The following USP29 variants were observed in gnomAD, a reference collection of about 807,000 sequenced individuals.
The protein encoded by USP29 is ubiquitin carboxyl-terminal hydrolase 29.
For missense variants in USP29, 1,102 were observed against 1,069.0 expected (o/e 1.03, Z -0.43); for synonymous variants, 386 against 387.4 (o/e 1.00, Z 0.04).
Position 57,130,482 on chromosome 19 carries a change from C to A in USP29, c.1807C>A (p.Leu603Ile). 1 of 1,614,134 alleles carries A rather than the reference C, an allele frequency of 6.2e-7. No homozygotes were observed. The highest frequency in any genetic ancestry group is 8.5e-7 in the Non-Finnish European group (1 of 1,180,034). Residue 603 changes from leucine to isoleucine, a missense_variant, in exon 4 of 4, where the codon CTA becomes ATA. Coordinates refer to ENST00000254181, the MANE Select transcript of USP29 (RefSeq NM_020903.3). The part of the protein sequence containing the change: ...LPVEPDKNAD[L>I]QRFQRDCGDA... ...CGTTGAACCAGACAAGAATGCCGAC[C>A]TACAAAGATTCCAGAGAGACTGTGG...
At position 57,129,657 on chromosome 19, in the gene USP29, C is replaced by T. The variant is rs755118228; in HGVS notation, c.982C>T (p.Leu328Phe). The T allele has an allele frequency of 5.0e-5, 80 of 1,614,068 alleles. 2 individuals carry two copies. The South Asian group carries it at 7.2e-4, about 15-fold the overall frequency. ...ATGGGAATATATTCCCTTTGAGGCT[C>T]TTATTATGACCTTGACCCAGCTGCT... ...VPWEYIPFEALIMTLTQLLAL... is the reference protein window; with the variant it reads ...VPWEYIPFEAFIMTLTQLLAL... The change falls in exon 4 of 4, where the codon CTT becomes TTT. Residue 328 changes from leucine to phenylalanine, a missense_variant. Leu to Phe is a conservative substitution (Grantham distance 22). Coordinates refer to ENST00000254181, the MANE Select transcript of USP29 (RefSeq NM_020903.3).
intron 3 of USP29, among the ~76,000 whole-genome samples, chr19:57,127,550 G>A (rs1004572848): frequency 6.6e-6 from 1 of 152,130 alleles, no homozygotes; most frequent in Non-Finnish European, 1.5e-5. Context: ...ACTTTGCCCA[G>A]TCCAAACCTC....
chr19:57,124,641 T>C (rs1244721623), intron 3 of USP29, among the ~76,000 whole-genome samples: 1 of 152,076 alleles, frequency 6.6e-6, no homozygotes, highest in African/African-American at 2.4e-5. Context: ...CCCCAGTATC[T>C]GGCACTATAG....
Position 57,131,538 on chromosome 19 carries a change from A to G in USP29, c.*94A>G. On this transcript the variant is annotated 3_prime_UTR_variant, in exon 4 of 4. Coordinates refer to ENST00000254181, the MANE Select transcript of USP29 (RefSeq NM_020903.3). ...TGTACTTCACTCAGAATGAAGGAAC[A>G]AGTATCTCAGGATGAAATCTCAATG... 2 of 1,486,494 alleles carry G rather than the reference A, an allele frequency of 1.3e-6. No homozygotes were observed. The highest frequency in any genetic ancestry group is 1.8e-6 in the Non-Finnish European group (2 of 1,116,642). The allele number at this position is 1,486,494 out of a possible 1,614,324, so 92.1% of individuals were successfully genotyped here. A position where few individuals can be genotyped will look rare whatever the true frequency, so the allele number is the denominator to read the frequency against.
Position 57,130,391 on chromosome 19 carries a change from G to A in USP29, c.1716G>A (p.Glu572=), listed in dbSNP as rs527678550. 1 of 1,614,082 alleles carries A rather than the reference G, an allele frequency of 6.2e-7. No individual in the cohort carries two copies. Among genetic ancestry groups the A allele is most frequent in the Admixed American group, 1.7e-5 (1 of 60,004 alleles). The change falls in exon 4 of 4, where the codon GAG becomes GAA. Residue 572 remains glutamate (E), a synonymous_variant. Transcript: ENST00000254181. The part of the protein sequence containing the change: ...VLEVSQEMIS[E]INSPLTPSMK... Reference sequence around the variant, plus strand: ...AAGTCTCTCAGGAGATGATTTCTGAGATCAACAGCCCATTGACACCATCAA... The same window carrying A: ...AAGTCTCTCAGGAGATGATTTCTGAAATCAACAGCCCATTGACACCATCAA...
At chr19:57,126,404 T>C (rs990640387) in intron 3 of USP29, among the ~76,000 whole-genome samples, 1 of 152,128 alleles carries the variant, frequency 6.6e-6, no homozygotes, top group Non-Finnish European at 1.5e-5. Context: ...CAATCAATCG[T>C]AGGTTTGGTC....
chr19:57,124,812 ACTT>A (rs981153589), intron 3 of USP29, among the ~76,000 whole-genome samples: 3 of 151,994 alleles, frequency 2.0e-5, no homozygotes, highest in Non-Finnish European at 2.9e-5. Flanking sequence ...CCCAGACAGA[ACTT>A]CTTTATTTTT....
In USP29 at chr19:57,130,485, C is replaced by A. The variant is rs555637136; in HGVS notation, c.1810C>A (p.Gln604Lys). Residue 604 changes from glutamine to lysine, a missense_variant, in exon 4 of 4, where the codon CAA (glutamine) becomes AAA (lysine). Physicochemically the swap from Gln to Lys is moderately conservative, Grantham distance 53 (BLOSUM62 1). Transcript: ENST00000254181. ...PVEPDKNADL[Q>K]RFQRDCGDAS... ...TGAACCAGACAAGAATGCCGACCTA[C>A]AAAGATTCCAGAGAGACTGTGGAGA... The A allele has an allele frequency of 3.1e-6, 5 of 1,614,148 alleles. No homozygotes were observed. The Admixed American group carries it at 8.3e-5, about 27-fold the overall frequency.
rs2086816860 is a variant in USP29 at position 57,125,049 on chromosome 19, T to C, written c.-17+910T>C. On this transcript the variant is annotated intron_variant, in intron 3 of 3. Transcript: ENST00000254181. ...GCTGTTTTAGCCCAATGACTTATCC[T>C]AAGAAGTCGTTATTATTGTTGCAGT... is the stretch of plus-strand genomic sequence containing the variant. Among the ~76,000 whole-genome samples the C allele has an allele frequency of 3.9e-5, 6 of 152,232 alleles. No individual in the cohort carries two copies. In the South Asian group the frequency reaches 1.2e-3, roughly 31 times the overall value.
intron 1 of USP29, among the ~76,000 whole-genome samples, chr19:57,121,429 T>TTGTTATATACTTATA (rs1568453905): frequency 4.6e-5 from 6 of 130,572 alleles, no homozygotes; most frequent in Admixed American, 8.5e-5. Context: ...TTATATATAC[T>TTGTTATATACTTATA]TATGTTATAT....
chr19:57,128,892 C>G lies in USP29; in HGVS notation c.217C>G (p.Arg73Gly). ...RHCKKRQSHL[R>G]LTLKNNVFLF... ...TTGTAAAAAAAGACAAAGTCACCTG[C>G]GTTTAACTTTGAAAAACAACGTGTT... The change falls in exon 4 of 4, where the codon CGT (arginine) becomes GGT (glycine). Residue 73 changes from arginine (R) to glycine (G), a missense_variant. Arg to Gly is a moderately radical substitution (Grantham distance 125). Coordinates refer to ENST00000254181, the MANE Select transcript of USP29 (RefSeq NM_020903.3). 6.2e-7 allele frequency: 1 copy of G among 1,613,584 alleles called. No homozygotes were observed. Among genetic ancestry groups the G allele is most frequent in the South Asian group, 1.1e-5 (1 of 90,898 alleles).
At position 57,131,089 on chromosome 19, in the gene USP29, G is replaced by T. The variant is rs140065138; in HGVS notation, c.2414G>T (p.Gly805Val). Reference sequence around the variant, plus strand: ...ATTTTAGATGCAGAGAACACAAGAGGTGAAGCCAAGGAACTAACAAGAAAC... The same window carrying T: ...ATTTTAGATGCAGAGAACACAAGAGTTGAAGCCAAGGAACTAACAAGAAAC... Reference protein sequence around the residue: ...KNILDAENTRGEAKELTRNVK... With the variant: ...KNILDAENTRVEAKELTRNVK... The change falls in exon 4 of 4, where the codon GGT (glycine) becomes GTT (valine). Residue 805 changes from glycine to valine, a missense_variant. Gly to Val is a moderately radical substitution (Grantham distance 109, BLOSUM62 -3). Coordinates refer to ENST00000254181, the MANE Select transcript of USP29 (RefSeq NM_020903.3). 1 of 1,614,152 alleles carries T rather than the reference G, an allele frequency of 6.2e-7. No individual in the cohort carries two copies. Among genetic ancestry groups the T allele is most frequent in the South Asian group, 1.1e-5 (1 of 91,078 alleles).
Position 57,129,456 on chromosome 19 carries a change from G to C in USP29, c.781G>C (p.Glu261Gln). Reference protein sequence around the residue: ...KNGLTSPLEPEHSQGDPRCNK... With the variant: ...KNGLTSPLEPQHSQGDPRCNK... ...TGGTTTGACATCTCCATTGGAACCA[G>C]AGCACAGCCAGGGTGACCCAAGATG... is the stretch of plus-strand genomic sequence containing the variant. Residue 261 changes from glutamate (E) to glutamine (Q), a missense_variant, in exon 4 of 4, where the codon GAG becomes CAG. Transcript: ENST00000254181. The C allele has an allele frequency of 1.2e-6, 2 of 1,614,206 alleles. No homozygotes were observed. The highest frequency in any genetic ancestry group is 1.7e-6 in the Non-Finnish European group (2 of 1,180,034).
chr19:57,122,237 A>T (rs2086801406), intron 1 of USP29, 88 bp from the exon 2 acceptor site: 1 of 152,140 alleles, frequency 6.6e-6, no homozygotes, highest in South Asian at 2.1e-4. Flanking sequence ...TTCCTGGAAA[A>T]ACCCGTGATA....
chr19:57,128,249 T>A (rs1312925577), intron 3 of USP29, among the ~76,000 whole-genome samples: 4 of 152,148 alleles, frequency 2.6e-5, no homozygotes, highest in African/African-American at 4.8e-5. Context: ...TTTTAAAAAA[T>A]TTTATGTAGC....
At position 57,129,677 on chromosome 19, in the gene USP29, G is replaced by C. The variant is rs1341346571; in HGVS notation, c.1002G>C (p.Gln334His). ...AGGCTCTTATTATGACCTTGACCCA[G>C]CTGCTTGCTTTGAAAGATTTCTGTA... ...PFEALIMTLT[Q>H]LLALKDFCST... The change falls in exon 4 of 4, where the codon CAG becomes CAC. Residue 334 changes from glutamine to histidine, a missense_variant. Coordinates refer to ENST00000254181, the MANE Select transcript of USP29 (RefSeq NM_020903.3). 1.2e-6 allele frequency: 2 copies of C among 1,613,966 alleles called. No homozygotes were observed. Among genetic ancestry groups the C allele is most frequent in the African/African-American group, 2.7e-5 (2 of 74,912 alleles).
At chr19:57,121,697 A>G (rs925849368) in intron 1 of USP29, among the ~76,000 whole-genome samples, 19 of 147,496 alleles carry the variant, frequency 1.3e-4, no homozygotes, top group African/African-American at 4.7e-4. Flanking sequence ...GTACTTACAT[A>G]TGTTATATAT....
Position 57,122,449 on chromosome 19 carries a change from A to T in USP29, c.-143A>T, listed in dbSNP as rs1002884426. On this transcript the variant is annotated 5_prime_UTR_variant, in exon 2 of 4. Transcript: ENST00000254181. The stretch of plus-strand genomic sequence containing the variant: ...ATTTCTGAAAAAAGAATTATCATCC[A>T]CTCACCCAGAACAGCTCTCCAAACT... The T allele has an allele frequency of 6.6e-6, 1 of 150,554 alleles. No homozygotes were observed. The highest frequency in any genetic ancestry group is 1.5e-5 in the Non-Finnish European group (1 of 67,856). The allele number at this position is 150,554 out of a possible 1,614,324, so 9.3% of individuals were successfully genotyped here.
Position 57,131,247 on chromosome 19 carries a change from G to A in USP29, c.2572G>A (p.Asp858Asn), listed in dbSNP as rs756825168. The A allele has an allele frequency of 3.7e-6, 6 of 1,614,042 alleles. No homozygotes were observed. Among genetic ancestry groups the A allele is most frequent in the African/African-American group, 2.7e-5 (2 of 74,904 alleles). The change falls in exon 4 of 4, where the codon GAT (aspartate) becomes AAT (asparagine). Residue 858 changes from aspartate (D) to asparagine (N), a missense_variant. Asp to Asn is a conservative substitution (Grantham distance 23). Coordinates refer to ENST00000254181, the MANE Select transcript of USP29 (RefSeq NM_020903.3). ...FQKQAWFTYN[D>N]LCVSEISETK... ...GAAGCAGGCCTGGTTCACATACAAC[G>A]ATCTATGTGTATCAGAAATCTCAGA...
Sources: gnomAD v4.1 joint callset for allele counts (sites outside exome capture counted in the v4.1 genomes callset) on GRCh38, gnomAD v4.1.1 for gene constraint, MANE v1.5 for transcripts, NCBI Gene and HGNC (gene_info 2026-07-23, HGNC 2026-07-21) for gene names.